PAM: variants seen among roughly 807,000 people sequenced by gnomAD.
PAM encodes peptidyl-glycine alpha-amidating monooxygenase.
Under a neutral mutation model 122.1 loss-of-function variants are expected in PAM, and 72 were observed. The ratio of observed to expected loss-of-function variants is 0.59; its 90% CI spans 0.49 to 0.72. The LOEUF (loss-of-function observed/expected upper bound fraction) is 0.72, where lower values mean the gene tolerates loss of function less well. PAM is among the 30% of genes least tolerant of loss of function. The probability of loss-of-function intolerance (pLI) is 0.00; values close to 1 mark genes in which losing one functional copy is unlikely to be tolerated. For missense variants in PAM, 1,106 were observed against 1,183.7 expected (o/e 0.93, Z 0.96); for synonymous variants, 389 against 404.4 (o/e 0.96, Z 0.46).
rs746745072 is a variant in PAM, at chr5:102,901,310, T to C, written c.211-46T>C. ...GTTTTAATAGTTATTATTTCTTCCT[T>C]ACTAGCAACAGTTTAATTTGGATTT... On this transcript the variant is annotated intron_variant, in intron 3 of 25. Transcript: ENST00000438793. The C allele has an allele frequency of 6.4e-6, 7 of 1,095,430 alleles. No individual in the cohort carries two copies. In the Admixed American group the frequency reaches 1.3e-4, roughly 20 times the overall value. The allele number at this position is 1,095,430 out of a possible 1,614,324, so 67.9% of individuals were successfully genotyped here. A position where few individuals can be genotyped will look rare whatever the true frequency, so the allele number is the denominator to read the frequency against.
At chr5:102,894,889 C>T (rs190266887) in intron 3 of PAM, among the ~76,000 whole-genome samples, 77 of 151,842 alleles carry the variant, frequency 5.1e-4, no homozygotes, top group African/African-American at 1.7e-3. Context: ...GCCCTCTTTT[C>T]TCCTTCTCTA....
rs553068523 is a variant in PAM, at chr5:102,933,918, CAG to C, written c.526+7257_526+7258del. Among the ~76,000 whole-genome samples, 19 of 152,250 alleles carry C rather than the reference CAG, an allele frequency of 1.2e-4. No homozygotes were observed. In the South Asian group the frequency reaches 3.9e-3, roughly 32 times the overall value. ...CTCCTGACTTCCTGACACCTAATTG[CAG>C]AGAGAGTGGGAAACTGGATCAGATT... On this transcript the variant is annotated intron_variant, in intron 7 of 25. Coordinates refer to ENST00000438793, the MANE Select transcript of PAM (RefSeq NM_001177306.2).
intron 1 of PAM, among the ~76,000 whole-genome samples, chr5:102,785,496 G>GAA: frequency 6.6e-6 from 1 of 152,190 alleles, no homozygotes; most frequent in Non-Finnish European, 1.5e-5. Flanking sequence ...TCATGTGGAG[G>GAA]TAAGAAGATG....
intron 5 of PAM, among the ~76,000 whole-genome samples, chr5:102,915,677 A>G (rs1802894281): frequency 6.6e-6 from 1 of 152,264 alleles, no homozygotes; most frequent in East Asian, 1.9e-4. Flanking sequence ...AATTGGACTC[A>G]TTGAAAATAG....
chr5:102,971,343 T>G (rs1045841893), intron 14 of PAM, among the ~76,000 whole-genome samples: 17 of 152,170 alleles, frequency 1.1e-4, no homozygotes, highest in Non-Finnish European at 2.9e-5. Flanking sequence ...TTTCTAAAGG[T>G]TATTGTCACT....
rs771827112 is a variant in PAM at position 103,006,909 on chromosome 5, G to T, written c.1912G>T (p.Val638Leu). Residue 638 changes from valine to leucine, a missense_variant, in exon 19 of 26, where the codon GTG (valine) becomes TTG (leucine). Val to Leu is a conservative substitution (Grantham distance 32). Coordinates refer to ENST00000438793, the MANE Select transcript of PAM (RefSeq NM_001177306.2). The stretch of plus-strand genomic sequence containing the variant: ...CTTCTGTCAACCCACTGATGTGGCT[G>T]TGGATCCAGGCACTGGAGCCATTTA... ...NHFCQPTDVA[V>L]DPGTGAIYVS... 11 of 1,613,722 alleles carry T rather than the reference G, an allele frequency of 6.8e-6. No individual in the cohort carries two copies. Among genetic ancestry groups the T allele is most frequent in the Non-Finnish European group, 7.6e-6 (9 of 1,179,622 alleles).
chr5:102,881,955 G>A (rs1029129881), intron 3 of PAM, among the ~76,000 whole-genome samples: 2 of 148,506 alleles, frequency 1.3e-5, no homozygotes, highest in Admixed American at 6.8e-5. Context: ...CCATTCCTTA[G>A]TTACTTCACT....
chr5:102,912,167 CAT>C (rs1801598352), intron 4 of PAM, among the ~76,000 whole-genome samples: 1 of 151,906 alleles, frequency 6.6e-6, no homozygotes. Context: ...ATGATTCAGT[CAT>C]AGGAAATTTA....
chr5:102,975,627 T>A (rs1453787980), intron 15 of PAM, among the ~76,000 whole-genome samples: 2 of 152,172 alleles, frequency 1.3e-5, no homozygotes, highest in Admixed American at 1.3e-4. Flanking sequence ...AAAGAACAAC[T>A]GAATCAGCAT....
intron 3 of PAM, among the ~76,000 whole-genome samples, chr5:102,868,425 A>G (rs1339482951): frequency 6.6e-6 from 1 of 152,346 alleles, no homozygotes; most frequent in Non-Finnish European, 1.5e-5. Flanking sequence ...ATGATTGTCT[A>G]TAACTAACTA....
chr5:102,965,332 T>C (rs1178302096), intron 14 of PAM, among the ~76,000 whole-genome samples: 1 of 151,768 alleles, frequency 6.6e-6, no homozygotes, highest in Non-Finnish European at 1.5e-5. Flanking sequence ...TCTATAACCA[T>C]TGTTTAAGCA....
rs574052067 is a variant in PAM at position 102,773,621 on chromosome 5, G to C, written c.-374+18273G>C. ...TGCAGAAACAGTGAGCAGGGCATTT[G>C]GCTTGTGGGCCTAGTTATGGAGGCC... On this transcript the variant is annotated intron_variant, in intron 1 of 25. Coordinates refer to ENST00000438793, the MANE Select transcript of PAM (RefSeq NM_001177306.2). 9.2e-5 allele frequency among the ~76,000 whole-genome samples: 14 copies of C among 152,172 alleles called. No individual in the cohort carries two copies. In the South Asian group the frequency reaches 1.4e-3, roughly 16 times the overall value.
intron 1 of PAM, among the ~76,000 whole-genome samples, chr5:102,776,996 GT>G (rs1177513794): frequency 6.6e-6 from 1 of 151,932 alleles, no homozygotes; most frequent in Admixed American, 6.6e-5. Context: ...ATGCAGAAAA[GT>G]TTTTTATTCT....
At chr5:102,862,989 C>CTT (rs1386326059) in intron 1 of PAM, among the ~76,000 whole-genome samples, 3 of 142,384 alleles carry the variant, frequency 2.1e-5, no homozygotes, top group South Asian at 2.2e-4. Context: ...TGCCAGCTAT[C>CTT]TTTTTTTTTT....
At chr5:102,848,330 T>A (rs1780469089) in intron 1 of PAM, among the ~76,000 whole-genome samples, 1 of 152,228 alleles carries the variant, frequency 6.6e-6, no homozygotes, top group Non-Finnish European at 1.5e-5. Context: ...GAGATACTGT[T>A]GGTGCCTACT....
chr5:102,858,851 CATA>C (rs1206319703), intron 1 of PAM, among the ~76,000 whole-genome samples: 2 of 152,174 alleles, frequency 1.3e-5, no homozygotes, highest in East Asian at 1.9e-4. Context: ...TCACATGCCT[CATA>C]ATGATGCTTT....
intron 3 of PAM, among the ~76,000 whole-genome samples, chr5:102,885,235 T>A (rs771773080): frequency 1.3e-5 from 2 of 151,952 alleles, no homozygotes; most frequent in Non-Finnish European, 2.9e-5. Context: ...CCTTCACTAT[T>A]TATGGGAATA....
At position 102,977,658 on chromosome 5, in the gene PAM, GCACACACACACACACA is replaced by G. The variant is rs10527378; in HGVS notation, c.1483+3249_1483+3264del. ...CTTCCCAACACACACATGCATGTGC[GCACACACACACACACA>G]CACACACACACACACACACACACAC... On this transcript the variant is annotated intron_variant, in intron 15 of 25. Coordinates refer to ENST00000438793, the MANE Select transcript of PAM (RefSeq NM_001177306.2). Among the ~76,000 whole-genome samples, 688 of 143,044 alleles carry G rather than the reference GCACACACACACACACA, an allele frequency of 4.8e-3. 7 individuals are homozygous for G. Among genetic ancestry groups the G allele is most frequent in the African/African-American group, 0.014 (555 of 39,026 alleles). The allele number at this position is 143,044 out of a possible 152,430, so 93.8% of individuals were successfully genotyped here. A position where few individuals can be genotyped will look rare whatever the true frequency, so the allele number is the denominator to read the frequency against.
intron 15 of PAM, among the ~76,000 whole-genome samples, chr5:102,980,423 G>T (rs1441552161): frequency 1.3e-5 from 2 of 152,094 alleles, no homozygotes; most frequent in African/African-American, 4.8e-5. Context: ...CTTAATTGGG[G>T]ATTAGAAAAT....
Sources: allele counts gnomAD v4.1 joint callset (sites outside exome capture counted in the v4.1 genomes callset), GRCh38; gene constraint gnomAD v4.1.1; transcripts MANE v1.5; gene names NCBI Gene and HGNC (gene_info 2026-07-23, HGNC 2026-07-21).